METTL8: variants seen among roughly 807,000 people sequenced by gnomAD.
METTL8 encodes the protein methyltransferase 8, tRNA N3-cytidine, also known as tRNA N(3)-cytidine methyltransferase METTL8, mitochondrial.
METTL8 carries 32 observed loss-of-function variants against 48.7 expected under a neutral mutation model. The observed-to-expected ratio is 0.66, with a 90% CI of 0.50 to 0.88. The LOEUF is 0.88. Ranked by LOEUF, METTL8 falls within the 40% of genes least tolerant of loss-of-function variation. The pLI is 0.00. For synonymous variants in METTL8, 136 were observed against 157.1 expected (o/e 0.87, Z 1.01); for missense variants, 464 against 474.4 (o/e 0.98, Z 0.20).
rs1684351434 is a variant in METTL8 at position 171,318,154 on chromosome 2, T to A, written c.*6018A>T. On this transcript the variant is annotated 3_prime_UTR_variant, in exon 10 of 10. Transcript: ENST00000375258. ...GCTTTGAGGCCACAATATAGATTCA[T>A]TATAAATGAAGATGCAACTGTTATT... is the stretch of plus-strand genomic sequence containing the variant. 6.6e-6 allele frequency: 1 copy of A among 152,228 alleles called. No homozygotes were observed. Among genetic ancestry groups the A allele is most frequent in the African/African-American group, 2.4e-5 (1 of 41,458 alleles). 9.4% of individuals were successfully genotyped at this position (152,228 alleles called of 1,614,324 possible).
chr2:171,369,448 T>C (rs1686072844), intron 2 of METTL8, among the ~76,000 whole-genome samples: 1 of 152,204 alleles, frequency 6.6e-6, no homozygotes, highest in Non-Finnish European at 1.5e-5. Flanking sequence ...CTTGCAAACA[T>C]TTAGAGCAAT....
At chr2:171,357,201 T>C (rs1684678740) in intron 3 of METTL8, among the ~76,000 whole-genome samples, 1 of 152,030 alleles carries the variant, frequency 6.6e-6, no homozygotes, top group African/African-American at 2.4e-5. Flanking sequence ...TCAAGTGATC[T>C]GCCCACCCTG....
At chr2:171,363,148 T>C (rs1685336298) in intron 2 of METTL8, among the ~76,000 whole-genome samples, 1 of 152,228 alleles carries the variant, frequency 6.6e-6, no homozygotes, top group African/African-American at 2.4e-5. Context: ...CTTACACTGT[T>C]CTTTATGTTA....
At chr2:171,392,320 T>C in intron 1 of METTL8, 123 bp from the exon 2 acceptor site, 1 of 705,868 alleles carries the variant, frequency 1.4e-6, no homozygotes, top group East Asian at 2.8e-5. Flanking sequence ...AGAAACTTTT[T>C]AATGAAAGAT....
intron 2 of METTL8, chr2:171,374,999 C>G (rs1686803384): frequency 3.9e-6 from 4 of 1,016,900 alleles, no homozygotes; most frequent in Middle Eastern, 3.0e-4. Flanking sequence ...GGTGTTCGGT[C>G]TTTGTGGGCT....
intron 9 of METTL8, 113 bp from the exon 10 acceptor site, chr2:171,324,475 C>T: frequency 1.0e-6 from 1 of 970,246 alleles, no homozygotes; most frequent in Non-Finnish European, 1.5e-6. Context: ...ATACAAGAAA[C>T]ACTCTCTAGA....
intron 1 of METTL8, among the ~76,000 whole-genome samples, chr2:171,401,587 C>A (rs1473847889): frequency 3.3e-5 from 5 of 152,126 alleles, no homozygotes; most frequent in Non-Finnish European, 7.4e-5. Flanking sequence ...CAAAAAGAGG[C>A]AACTGGGACT....
intron 2 of METTL8, among the ~76,000 whole-genome samples, chr2:171,378,108 T>C (rs1687156398): frequency 6.6e-6 from 1 of 152,156 alleles, no homozygotes. Context: ...TAAATGTAAA[T>C]TGGCTAAATG....
chr2:171,404,100 T>TATATATATATA (rs71013040), intron 1 of METTL8, among the ~76,000 whole-genome samples: 32 of 121,496 alleles, frequency 2.6e-4, no homozygotes, highest in Non-Finnish European at 3.2e-4. Context: ...TATATATATA[T>TATATATATATA]GATAGTTTAA....
At chr2:171,340,641 T>C (rs143540333) in intron 3 of METTL8, among the ~76,000 whole-genome samples, 391 of 152,172 alleles carry the variant, frequency 2.6e-3, no homozygotes, top group African/African-American at 8.5e-3. Context: ...TAAATGCAAA[T>C]TGGTGATCAG....
chr2:171,363,438 A>C (rs1483786069), intron 2 of METTL8, among the ~76,000 whole-genome samples: 2 of 152,116 alleles, frequency 1.3e-5, no homozygotes, highest in Non-Finnish European at 2.9e-5. Context: ...CATAGAAACA[A>C]ATAATAAACA....
In METTL8 at chr2:171,375,302, T is replaced by C. The variant is rs868635500; in HGVS notation, c.144-14789A>G. On this transcript the variant is annotated intron_variant, in intron 2 of 9. Transcript: ENST00000375258. ...ATCTTGGAGGCACGGACCAGAGATATATGTTTATCTTTTAAAGAAACTGCC... is the reference window on the plus strand; with the variant it reads ...ATCTTGGAGGCACGGACCAGAGATACATGTTTATCTTTTAAAGAAACTGCC... 13 of 785,394 alleles carry C rather than the reference T, an allele frequency of 1.7e-5. No homozygotes were observed. In the Middle Eastern group the frequency reaches 1.2e-3, roughly 71 times the overall value. 48.7% of individuals were successfully genotyped at this position (785,394 alleles called of 1,614,324 possible). A position where few individuals can be genotyped will look rare whatever the true frequency, so the allele number is the denominator to read the frequency against.
intron 1 of METTL8, among the ~76,000 whole-genome samples, chr2:171,403,436 C>G (rs1303564410): frequency 1.3e-5 from 2 of 151,974 alleles, no homozygotes; most frequent in African/African-American, 4.8e-5. Context: ...TCAAGGTCAT[C>G]AAAAACAAAG....
intron 5 of METTL8, among the ~76,000 whole-genome samples, chr2:171,334,820 G>A (rs527319241): frequency 6.6e-6 from 1 of 152,260 alleles, no homozygotes; most frequent in South Asian, 2.1e-4. Context: ...ACTAGCAAGT[G>A]GGGGAATGAG....
intron 5 of METTL8, among the ~76,000 whole-genome samples, chr2:171,333,100 C>CT (rs11427651): frequency 0.37 from 52,649 of 142,990 alleles, 10,064 homozygotes; most frequent in East Asian, 0.72. Flanking sequence ...TTTTTCTTTT[C>CT]TTTTTTTTTT....
chr2:171,376,486 T>C (rs1686980123), intron 2 of METTL8, among the ~76,000 whole-genome samples: 1 of 152,150 alleles, frequency 6.6e-6, no homozygotes, highest in Admixed American at 6.6e-5. Context: ...ATCTGATAAA[T>C]GGATTCAGTA....
chr2:171,324,158 A>G lies in METTL8; in HGVS notation c.*14T>C. ...CACAGTCCTCTGGCTTTGTACCTTA[A>G]CATGTTACAAAGTTCAGTCTTGTGA... On this transcript the variant is annotated 3_prime_UTR_variant, in exon 10 of 10. Coordinates refer to ENST00000375258, the MANE Select transcript of METTL8 (RefSeq NM_001321154.2). 1 of 1,528,092 alleles carries G rather than the reference A, an allele frequency of 6.5e-7. No individual in the cohort carries two copies. Among genetic ancestry groups the G allele is most frequent in the Non-Finnish European group, 8.9e-7 (1 of 1,129,016 alleles). 94.7% of individuals were successfully genotyped at this position (1,528,092 alleles called of 1,614,324 possible).
chr2:171,404,100 T>TATATATATATATATATATA (rs71013040), intron 1 of METTL8, among the ~76,000 whole-genome samples: 1 of 121,508 alleles, frequency 8.2e-6, no homozygotes, highest in African/African-American at 3.1e-5. Flanking sequence ...TATATATATA[T>TATATATATATATATATATA]GATAGTTTAA....
intron 2 of METTL8, chr2:171,375,236 G>A (rs1000569010): frequency 1.5e-5 from 18 of 1,225,430 alleles, no homozygotes; most frequent in East Asian, 4.6e-5. Context: ...ACGTGGCCGC[G>A]GCCCTTTTTG....
Sources: allele counts gnomAD v4.1 joint callset (sites outside exome capture counted in the v4.1 genomes callset), GRCh38; gene constraint gnomAD v4.1.1; transcripts MANE v1.5; gene names NCBI Gene and HGNC (gene_info 2026-07-23, HGNC 2026-07-21).